SNTG2: variants seen among roughly 807,000 people sequenced by gnomAD.
SNTG2 encodes the protein gamma-2-syntrophin.
Under a neutral mutation model 70.9 loss-of-function variants are expected in SNTG2, and 74 were observed. The ratio of observed to expected loss-of-function variants is 1.04; its 90% CI spans 0.86 to 1.27. SNTG2 has a LOEUF of 1.27. SNTG2 is among the 50% of genes most tolerant of loss of function. The pLI, the probability that SNTG2 is intolerant of heterozygous loss-of-function variation, is 0.00. For synonymous variants in SNTG2, 278 were observed against 273.8 expected (o/e 1.02, Z -0.15); for missense variants, 717 against 690.7 (o/e 1.04, Z -0.43).
intron 9 of SNTG2, among the ~76,000 whole-genome samples, chr2:1,234,072 A>G (rs28455874): frequency 0.096 from 14,531 of 152,064 alleles, 764 homozygotes; most frequent in South Asian, 0.15. Context: ...CCATCCTAAA[A>G]GGCCTGAGCG....
intron 4 of SNTG2, among the ~76,000 whole-genome samples, chr2:1,121,597 G>C (rs6730881): frequency 0.44 from 66,439 of 151,978 alleles, 15,578 homozygotes; most frequent in East Asian, 0.68. Flanking sequence ...CTGGGGAGGC[G>C]TCAGAAGACT....
intron 4 of SNTG2, among the ~76,000 whole-genome samples, chr2:1,124,444 G>A (rs1012904832): frequency 2.0e-5 from 3 of 151,940 alleles, no homozygotes; most frequent in East Asian, 1.9e-4. Context: ...ACAGGTGCTC[G>A]CCACCACGCC....
At chr2:1,252,541 G>A (rs1039435448) in intron 12 of SNTG2, among the ~76,000 whole-genome samples, 1 of 152,184 alleles carries the variant, frequency 6.6e-6, no homozygotes, top group Non-Finnish European at 1.5e-5. Flanking sequence ...CCATGGACCT[G>A]GGAGCTGCCT....
chr2:1,209,628 A>C (rs1290820867), intron 9 of SNTG2, among the ~76,000 whole-genome samples: 1 of 152,258 alleles, frequency 6.6e-6, no homozygotes. Flanking sequence ...CTTCAGTAAT[A>C]AAATGAGAGG....
At chr2:1,170,813 T>C (rs562007957) in intron 7 of SNTG2, among the ~76,000 whole-genome samples, 12 of 152,222 alleles carry the variant, frequency 7.9e-5, no homozygotes, top group African/African-American at 2.9e-4. Flanking sequence ...ACCATGAGCA[T>C]CCGTGAATGC....
rs114526265 is a variant in SNTG2 at position 1,052,238 on chromosome 2, T to A, written c.73-31280T>A. Among the ~76,000 whole-genome samples the A allele has an allele frequency of 9.1e-3, 1,380 of 152,302 alleles. 18 individuals carry two copies. The highest frequency in any genetic ancestry group is 0.013 in the Non-Finnish European group (869 of 68,020). ...TTATGAAATATTTAGAGGAATTCAC[T>A]GGGCCCAGAGCTTACTTTGTGAAAT... is the stretch of plus-strand genomic sequence containing the variant. On this transcript the variant is annotated intron_variant, in intron 1 of 16. Transcript: ENST00000308624.
chr2:957,766 C>T (rs1193064736), intron 1 of SNTG2, among the ~76,000 whole-genome samples: 1 of 152,040 alleles, frequency 6.6e-6, no homozygotes, highest in Non-Finnish European at 1.5e-5. Flanking sequence ...GCCAGGGGCA[C>T]CTGCAGCCAC....
At chr2:1,279,206 C>T (rs140030556) in intron 14 of SNTG2, among the ~76,000 whole-genome samples, 93 of 152,346 alleles carry the variant, frequency 6.1e-4, no homozygotes, top group African/African-American at 2.2e-3. Context: ...TCTCTTTGAT[C>T]AGATTGACTC....
chr2:1,023,917 A>G (rs903619161), intron 1 of SNTG2, among the ~76,000 whole-genome samples: 6 of 152,232 alleles, frequency 3.9e-5, no homozygotes, highest in East Asian at 3.8e-4. Context: ...CGGATGAGCA[A>G]CGTTACATGG....
intron 1 of SNTG2, among the ~76,000 whole-genome samples, chr2:966,438 G>C (rs1660572562): frequency 1.4e-5 from 2 of 147,808 alleles, no homozygotes; most frequent in African/African-American, 5.2e-5. Flanking sequence ...GTGTTCATTT[G>C]AACTCTGATG....
At chr2:1,347,713 G>C (rs1041569853) in intron 16 of SNTG2, among the ~76,000 whole-genome samples, 8 of 152,214 alleles carry the variant, frequency 5.3e-5, no homozygotes, top group Non-Finnish European at 1.2e-4. Flanking sequence ...GAGAAAACTA[G>C]CTCAGAGGAG....
intron 4 of SNTG2, among the ~76,000 whole-genome samples, chr2:1,126,833 G>A (rs1438854466): frequency 3.3e-5 from 5 of 151,984 alleles, no homozygotes; most frequent in Admixed American, 1.3e-4. Context: ...TTTTGCTGTC[G>A]AGAGATTTGA....
intron 6 of SNTG2, chr2:1,161,585 C>T (rs992142983): frequency 2.0e-5 from 3 of 152,228 alleles, no homozygotes; most frequent in Non-Finnish European, 2.9e-5. Flanking sequence ...AATTCAGTAG[C>T]ATCAATGGTC....
At chr2:1,294,811 G>A (rs1270138831) in intron 14 of SNTG2, among the ~76,000 whole-genome samples, 3 of 152,340 alleles carry the variant, frequency 2.0e-5, no homozygotes, top group East Asian at 1.9e-4. Flanking sequence ...TATGAGGGAA[G>A]TGAGTGTCAT....
intron 16 of SNTG2, among the ~76,000 whole-genome samples, chr2:1,361,840 T>C (rs202202346): frequency 0.056 from 2,861 of 50,690 alleles, 2 homozygotes; most frequent in East Asian, 0.15. Flanking sequence ...AAGTCACGGA[T>C]GCTGAGCATT....
chr2:1,156,871 C>A lies in SNTG2; in HGVS notation c.412-8677C>A, dbSNP rs373638301. Among the ~76,000 whole-genome samples, 399 of 152,192 alleles carry A rather than the reference C, an allele frequency of 2.6e-3. 9 individuals are homozygous for A. In the South Asian group the frequency reaches 0.04, roughly 15 times the overall value. ...AAGATTCCAGCGCAGGGCGGCAACT[C>A]TTGGTGAAACAGAGGTTTCCACGGT... On this transcript the variant is annotated intron_variant, in intron 6 of 16. Transcript: ENST00000308624.
chr2:1,291,457 A>G (rs895048835), intron 14 of SNTG2, among the ~76,000 whole-genome samples: 4 of 152,074 alleles, frequency 2.6e-5, no homozygotes, highest in African/African-American at 7.2e-5. Context: ...CCTATTTTTA[A>G]TCACAAGAAT....
intron 1 of SNTG2, among the ~76,000 whole-genome samples, chr2:977,905 C>T (rs1390428348): frequency 6.6e-6 from 1 of 152,224 alleles, no homozygotes. Context: ...CATCTCAGCT[C>T]ACTGGTTTCT....
chr2:1,338,817 G>C (rs572614236), intron 16 of SNTG2, among the ~76,000 whole-genome samples: 2 of 152,166 alleles, frequency 1.3e-5, no homozygotes, highest in African/African-American at 4.8e-5. Flanking sequence ...GTGAATAATG[G>C]TGCAATGCAC....
Sources: gnomAD v4.1 joint callset for allele counts (sites outside exome capture counted in the v4.1 genomes callset) on GRCh38, gnomAD v4.1.1 for gene constraint, MANE v1.5 for transcripts, NCBI Gene and HGNC (gene_info 2026-07-23, HGNC 2026-07-21) for gene names.